CYP1B1: variants seen among roughly 807,000 people sequenced by gnomAD.
CYP1B1 encodes the protein cytochrome P450 1B1.
In CYP1B1, 22 loss-of-function variants were observed where a neutral mutation model predicts 29.9. That is an observed-to-expected ratio of 0.74 (90% CI 0.53 to 1.05). CYP1B1 has a LOEUF of 1.05. Among genes scored for constraint, CYP1B1 ranks in the 50% least tolerant of loss-of-function variants. The pLI, the probability that CYP1B1 is intolerant of heterozygous loss-of-function variation, is 0.00. For synonymous variants in CYP1B1, 375 were observed against 320.0 expected, an observed-to-expected ratio of 1.17 and a Z score of -1.83; for missense variants, 883 against 746.9, an observed-to-expected ratio of 1.18 and a Z score of -2.12.
chr2:38,070,725 T>C lies in CYP1B1; in HGVS notation c.1629A>G (p.Gln543=), dbSNP rs770233394. 5.0e-6 allele frequency: 8 copies of C among 1,613,964 alleles called. No homozygotes were observed. In the South Asian group the frequency reaches 7.7e-5, roughly 16 times the overall value. ...ATTTCAGCTTGCCTCTTGCTTCTTA[T>C]TGGCAAGTTTCCTTGGCTTGTAAAT... ...VQNLQAKETC[Q] Residue 543 remains glutamine (Q), a synonymous_variant, in exon 3 of 3, where the codon CAA becomes CAG. Coordinates refer to ENST00000610745, the MANE Select transcript of CYP1B1 (RefSeq NM_000104.4).
In CYP1B1 at chr2:38,070,762, C is replaced by G. The variant is rs771320442; in HGVS notation, c.1592G>C (p.Ser531Thr). 2.7e-5 allele frequency: 44 copies of G among 1,614,114 alleles called. No homozygotes were observed. The highest frequency in any genetic ancestry group is 3.4e-5 in the Non-Finnish European group (40 of 1,180,046). ...TLRESMELLD[S>T]AVQNLQAKET... ...CTTGGCTTGTAAATTTTGGACAGCA[C>G]TATCAAGGAGCTCCATGGACTCTCT... The change falls in exon 3 of 3, where the codon AGT (serine) becomes ACT (threonine). Residue 531 changes from serine (S) to threonine (T), a missense_variant. Ser to Thr is a moderately conservative substitution (Grantham distance 58). Transcript: ENST00000610745.
Position 38,075,031 on chromosome 2 carries a change from A to AGGCC in CYP1B1, c.354_357dup (p.Phe120GlyfsTer105). 6.3e-7 allele frequency: 1 copy of AGGCC among 1,591,108 alleles called. No individual in the cohort carries two copies. On this transcript the variant is annotated frameshift_variant, in exon 2 of 3. Coordinates refer to ENST00000610745, the MANE Select transcript of CYP1B1 (RefSeq NM_000104.4). LOFTEE classifies it high-confidence loss of function. ...CCGGACACCACACGGAAGGAGGCGA[A>AGGCC]GGCCGGCCGGTCGGCGAAGGCCGAG...
chr2:38,071,150 C>T lies in CYP1B1; in HGVS notation c.1204G>A (p.Ala402Thr). Residue 402 changes from alanine (A) to threonine (T), a missense_variant, in exon 3 of 3, where the codon GCC (alanine) becomes ACC (threonine). Ala to Thr is a moderately conservative substitution (Grantham distance 58). Transcript: ENST00000610745. ...SSFVPVTIPH[A>T]TTANTSVLGY... ...AAGACAGAGGTGTTGGCAGTGGTGG[C>T]ATGAGGAATAGTGACAGGCACAAAG... is the stretch of plus-strand genomic sequence containing the variant. 1 of 1,613,926 alleles carries T rather than the reference C, an allele frequency of 6.2e-7. No homozygotes were observed.
In CYP1B1 at chr2:38,075,822, C is replaced by T; in HGVS notation, c.-44G>A. On this transcript the variant is annotated 5_prime_UTR_variant, in exon 1 of 3. Transcript: ENST00000610745. Reference sequence around the variant, plus strand: ...TTCCAGTGGCGCGGGACAGCCGGCTCCGAGAAGGAACTGGGACCTTTGCCT... The same window carrying T: ...TTCCAGTGGCGCGGGACAGCCGGCTTCGAGAAGGAACTGGGACCTTTGCCT... 1 of 242,084 alleles carries T rather than the reference C, an allele frequency of 4.1e-6. No individual in the cohort carries two copies. Among genetic ancestry groups the T allele is most frequent in the Non-Finnish European group, 8.1e-6 (1 of 122,766 alleles). The allele number at this position is 242,084 out of a possible 1,614,324, so 15.0% of individuals were successfully genotyped here. A position where few individuals can be genotyped will look rare whatever the true frequency, so the allele number is the denominator to read the frequency against.
rs1352396062 is a variant in CYP1B1 at position 38,069,774 on chromosome 2, C to G, written c.*948G>C. ...CAAGGCATATATTATTCAACCTTTT[C>G]CTGAACAAGATAATACTAATATACT... On this transcript the variant is annotated 3_prime_UTR_variant, in exon 3 of 3. Transcript: ENST00000610745. 1 of 196,744 alleles carries G rather than the reference C, an allele frequency of 5.1e-6. No individual in the cohort carries two copies. The highest frequency in any genetic ancestry group is 1.1e-5 in the Non-Finnish European group (1 of 94,974). 12.2% of individuals were successfully genotyped at this position (196,744 alleles called of 1,614,324 possible). A position where few individuals can be genotyped will look rare whatever the true frequency, so the allele number is the denominator to read the frequency against.
At position 38,068,538 on chromosome 2, in the gene CYP1B1, A is replaced by G. The variant is rs1462749321; in HGVS notation, c.*2184T>C. On this transcript the variant is annotated 3_prime_UTR_variant, in exon 3 of 3. Coordinates refer to ENST00000610745, the MANE Select transcript of CYP1B1 (RefSeq NM_000104.4). ...TACAGCAGCCCAAATTCACTGTCTC[A>G]GCCTTGGTGGGGCATAATATTTTGG... The G allele has an allele frequency of 8.8e-6, 2 of 226,578 alleles. No homozygotes were observed. The highest frequency in any genetic ancestry group is 1.1e-4 in the Admixed American group (2 of 17,530). 14.0% of individuals were successfully genotyped at this position (226,578 alleles called of 1,614,324 possible).
In CYP1B1 at chr2:38,070,873, C is replaced by G; in HGVS notation, c.1481G>C (p.Arg494Thr). 1 of 1,614,126 alleles carries G rather than the reference C, an allele frequency of 6.2e-7. No homozygotes were observed. Among genetic ancestry groups the G allele is most frequent in the South Asian group, 1.1e-5 (1 of 91,076 alleles). ...ISILAHQCDFRANPNEPAKMN... is the reference protein window; with the variant it reads ...ISILAHQCDFTANPNEPAKMN... ...TTTCGCAGGCTCATTTGGGTTGGCC[C>G]TGAAATCGCACTGGTGAGCCAGGAT... The change falls in exon 3 of 3, where the codon AGG becomes ACG. Residue 494 changes from arginine to threonine, a missense_variant. Coordinates refer to ENST00000610745, the MANE Select transcript of CYP1B1 (RefSeq NM_000104.4).
rs1682336707 is a variant in CYP1B1 at position 38,067,715 on chromosome 2, T to C, written c.*3007A>G. The C allele has an allele frequency of 5.5e-6, 1 of 182,006 alleles. No homozygotes were observed. The highest frequency in any genetic ancestry group is 2.0e-4 in the South Asian group (1 of 5,080). The allele number at this position is 182,006 out of a possible 1,614,324, so 11.3% of individuals were successfully genotyped here. On this transcript the variant is annotated 3_prime_UTR_variant, in exon 3 of 3. Coordinates refer to ENST00000610745, the MANE Select transcript of CYP1B1 (RefSeq NM_000104.4). ...AAACAGTAAAGGCTACATATAAATGTTGTTTCCCCAGAATGTACTTTGTCT... is the reference window on the plus strand; with the variant it reads ...AAACAGTAAAGGCTACATATAAATGCTGTTTCCCCAGAATGTACTTTGTCT...
In CYP1B1 at chr2:38,075,098, C is replaced by T; in HGVS notation, c.291G>A (p.Leu97=). 1 of 1,581,138 alleles carries T rather than the reference C, an allele frequency of 6.3e-7. No individual in the cohort carries two copies. Among genetic ancestry groups the T allele is most frequent in the East Asian group, 2.3e-5 (1 of 43,824 alleles). Reference sequence around the variant, plus strand: ...CCTGGTGGATGGCGCGCTCGCCATTCAGCACCACTATGGGGCAGCTGCCCA... The same window carrying T: ...CCTGGTGGATGGCGCGCTCGCCATTTAGCACCACTATGGGGCAGCTGCCCA... ...IRLGSCPIVV[L]NGERAIHQAL... The change falls in exon 2 of 3, where the codon CTG becomes CTA. Residue 97 remains leucine (L), a synonymous_variant. Coordinates refer to ENST00000610745, the MANE Select transcript of CYP1B1 (RefSeq NM_000104.4).
rs1444620717 is a variant in CYP1B1 at position 38,068,258 on chromosome 2, T to C, written c.*2464A>G. The stretch of plus-strand genomic sequence containing the variant: ...CTCCAGCCTCCAAATTCAGTTATTT[T>C]CATTCGTTTTTTGTTTTCTTTTCCT... On this transcript the variant is annotated 3_prime_UTR_variant, in exon 3 of 3. Transcript: ENST00000610745. 1 of 220,036 alleles carries C rather than the reference T, an allele frequency of 4.5e-6. No individual in the cohort carries two copies. The highest frequency in any genetic ancestry group is 5.8e-5 in the Admixed American group (1 of 17,314). The allele number at this position is 220,036 out of a possible 1,614,324, so 13.6% of individuals were successfully genotyped here.
chr2:38,074,060 G>C, intron 2 of CYP1B1: 1 of 543,338 alleles, frequency 1.8e-6, no homozygotes, highest in Non-Finnish European at 3.3e-6. Context: ...GTTTTTCCGG[G>C]GGGTGGAGGG....
Position 38,074,478 on chromosome 2 carries a change from G to T in CYP1B1, c.911C>A (p.Ala304Glu), listed in dbSNP as rs377539363. The T allele has an allele frequency of 2.5e-6, 4 of 1,612,354 alleles. No homozygotes were observed. Among genetic ancestry groups the T allele is most frequent in the Non-Finnish European group, 3.4e-6 (4 of 1,179,570 alleles). The change falls in exon 2 of 3, where the codon GCG becomes GAG. Residue 304 changes from alanine (A) to glutamate (E), a missense_variant. Coordinates refer to ENST00000610745, the MANE Select transcript of CYP1B1 (RefSeq NM_000104.4). ...GCCACCACCGTGCGAGTCCCCGGCCGCCTTCTTTTCCGCAGAGAGGATAAA... is the reference window on the plus strand; with the variant it reads ...GCCACCACCGTGCGAGTCCCCGGCCTCCTTCTTTTCCGCAGAGAGGATAAA... ...DAFILSAEKK[A>E]AGDSHGGGAR...
At position 38,071,228 on chromosome 2, in the gene CYP1B1, G is replaced by T; in HGVS notation, c.1126C>A (p.Pro376Thr). 1 of 1,613,216 alleles carries T rather than the reference G, an allele frequency of 6.2e-7. No individual in the cohort carries two copies. The highest frequency in any genetic ancestry group is 8.5e-7 in the Non-Finnish European group (1 of 1,180,042). The change falls in exon 3 of 3, where the codon CCC becomes ACC. Residue 376 changes from proline (P) to threonine (T), a missense_variant. Physicochemically the swap from Pro to Thr is conservative, Grantham distance 38. Coordinates refer to ENST00000610745, the MANE Select transcript of CYP1B1 (RefSeq NM_000104.4). ...AAGGCCAGGACATAGGGCAGGTTGG[G>T]CTGGTCACCCATACAAGGCAGACGG... ...RDRLPCMGDQ[P>T]NLPYVLAFLY...
chr2:38,075,425 G>A (rs773781721), intron 1 of CYP1B1, 36 bp from the exon 2 acceptor site: 1 of 1,602,690 alleles, frequency 6.2e-7, no homozygotes, highest in Non-Finnish European at 8.5e-7. Flanking sequence ...ACACTCAGGG[G>A]TGCAGAGACA....
In CYP1B1 at chr2:38,074,471, C is replaced by T. The variant is rs748708268; in HGVS notation, c.918G>A (p.Gly306=). Residue 306 remains glycine (G), a synonymous_variant, in exon 2 of 3, where the codon GGG becomes GGA. Transcript: ENST00000610745. ...GCCGCGCGCCACCACCGTGCGAGTC[C>T]CCGGCCGCCTTCTTTTCCGCAGAGA... ...FILSAEKKAA[G]DSHGGGARLD... The T allele has an allele frequency of 3.6e-5, 58 of 1,612,710 alleles. No homozygotes were observed. The highest frequency in any genetic ancestry group is 4.6e-5 in the Non-Finnish European group (54 of 1,179,694).
chr2:38,073,276 C>T lies in CYP1B1; in HGVS notation c.1043+1070G>A, dbSNP rs145950303. On this transcript the variant is annotated intron_variant, in intron 2 of 2. Coordinates refer to ENST00000610745, the MANE Select transcript of CYP1B1 (RefSeq NM_000104.4). ...TAATAAGGAAAGAGTCATTCTCTGC[C>T]TTCCAAACACCTTTCTGTGGCGCCT... 7.2e-5 allele frequency among the ~76,000 whole-genome samples: 11 copies of T among 152,300 alleles called. No homozygotes were observed. The East Asian group carries it at 1.9e-3, about 27-fold the overall frequency.
At position 38,074,724 on chromosome 2, in the gene CYP1B1, CG is replaced by C; in HGVS notation, c.664del (p.Arg222ValfsTer22). On this transcript the variant is annotated frameshift_variant, in exon 2 of 3. Coordinates refer to ENST00000610745, the MANE Select transcript of CYP1B1 (RefSeq NM_000104.4). LOFTEE classifies it high-confidence loss of function. ...CTCTTCGTTGTGGCTGAGCAGCTCACGGAACTCGGGGTCGTCGTGGCTGTAG... is the reference window on the plus strand; with the variant it reads ...CTCTTCGTTGTGGCTGAGCAGCTCACGAACTCGGGGTCGTCGTGGCTGTAG... ...CRYSHDDPEF[R>X]ELLSHNEEFG... The C allele has an allele frequency of 6.2e-7, 1 of 1,609,742 alleles. No individual in the cohort carries two copies. The highest frequency in any genetic ancestry group is 8.5e-7 in the Non-Finnish European group (1 of 1,178,860).
rs141115502 is a variant in CYP1B1, at chr2:38,072,448, A to G, written c.1044-1138T>C. Among the ~76,000 whole-genome samples the G allele has an allele frequency of 7.6e-4, 116 of 152,334 alleles. 1 individual carries two copies. The highest frequency in any genetic ancestry group is 2.7e-3 in the African/African-American group (111 of 41,574). ...ATTAAAGTTCAATAAATGATTATAT[A>G]TAACTATACATTATCATAGCAAAAT... On this transcript the variant is annotated intron_variant, in intron 2 of 2. Coordinates refer to ENST00000610745, the MANE Select transcript of CYP1B1 (RefSeq NM_000104.4).
chr2:38,075,166 C>G lies in CYP1B1; in HGVS notation c.223G>C (p.Ala75Pro). The stretch of plus-strand genomic sequence containing the variant: ...TCGCCGTAGCGCCGCGCCAGGCGAG[C>G]GAACGAGAGGTGAGCCGCCTGGCCC... Reference protein sequence around the residue: ...AVGQAAHLSFARLARRYGDVF... With the variant: ...AVGQAAHLSFPRLARRYGDVF... Residue 75 changes from alanine (A) to proline (P), a missense_variant, in exon 2 of 3, where the codon GCT (alanine) becomes CCT (proline). Coordinates refer to ENST00000610745, the MANE Select transcript of CYP1B1 (RefSeq NM_000104.4). 6.4e-7 allele frequency: 1 copy of G among 1,570,446 alleles called. No individual in the cohort carries two copies. The highest frequency in any genetic ancestry group is 8.6e-7 in the Non-Finnish European group (1 of 1,165,664).
Sources: allele counts gnomAD v4.1 joint callset (sites outside exome capture counted in the v4.1 genomes callset), GRCh38; gene constraint gnomAD v4.1.1; transcripts MANE v1.5; gene names NCBI Gene and HGNC (gene_info 2026-07-23, HGNC 2026-07-21).